Variants in ZNF536 observed in about 807,000 individuals in gnomAD.
The protein encoded by ZNF536 is zinc finger protein 536.
ZNF536 carries 13 observed loss-of-function variants against 84.5 expected under a neutral mutation model. That is an observed-to-expected ratio of 0.15 (90% confidence interval 0.10 to 0.24). The LOEUF (loss-of-function observed/expected upper bound fraction) is 0.24, where lower values mean the gene tolerates loss of function less well. ZNF536 is among the 10% of genes least tolerant of loss of function. ZNF536 has a pLI of 1.00. For synonymous variants in ZNF536, 811 were observed against 742.5 expected (o/e 1.09, Z -1.50); for missense variants, 1,536 against 1,747.5 (o/e 0.88, Z 2.16).
intron 3 of ZNF536, among the ~76,000 whole-genome samples, chr19:30,362,827 G>C (rs771171326): frequency 1.3e-5 from 2 of 152,152 alleles, no homozygotes; most frequent in Admixed American, 1.3e-4. Context: ...TTGGGAGGCC[G>C]ATGTGGGCAG....
At chr19:30,423,067 T>A (rs1212619413) in intron 1 of ZNF536, among the ~76,000 whole-genome samples, 1 of 59,160 alleles carries the variant, frequency 1.7e-5, no homozygotes, top group African/African-American at 7.1e-5. Flanking sequence ...CCATCCATCC[T>A]CCCACCCACC....
intron 2 of ZNF536, among the ~76,000 whole-genome samples, chr19:30,525,342 C>G (rs2044531188): frequency 6.6e-6 from 1 of 152,234 alleles, no homozygotes; most frequent in South Asian, 2.1e-4. Context: ...TTTCTCCCCA[C>G]CAGCTGCTCA....
At chr19:30,236,503 T>G (rs2023518149) in intron 1 of ZNF536, among the ~76,000 whole-genome samples, 1 of 144,436 alleles carries the variant, frequency 6.9e-6, no homozygotes. Flanking sequence ...GAAAGTATTT[T>G]GAAAAAGCTT....
chr19:30,678,746 C>T (rs2050854722), intron 1 of ZNF536, among the ~76,000 whole-genome samples: 1 of 135,964 alleles, frequency 7.4e-6, no homozygotes, highest in East Asian at 2.2e-4. Flanking sequence ...CCCCCACACA[C>T]ACCTATACCC....
intron 1 of ZNF536, among the ~76,000 whole-genome samples, chr19:30,658,353 C>T (rs1401839822): frequency 1.3e-5 from 2 of 152,094 alleles, no homozygotes; most frequent in Non-Finnish European, 2.9e-5. Flanking sequence ...AACCCAAGCT[C>T]CCCTCAGCCA....
chr19:30,347,917 G>A (rs546004914), intron 2 of ZNF536, among the ~76,000 whole-genome samples: 1 of 152,326 alleles, frequency 6.6e-6, no homozygotes, highest in Non-Finnish European at 1.5e-5. Context: ...CAAACAGGCA[G>A]GGGCCCTACT....
intron 2 of ZNF536, among the ~76,000 whole-genome samples, chr19:30,471,158 G>A (rs2053619471): frequency 6.6e-6 from 1 of 152,104 alleles, no homozygotes; most frequent in Non-Finnish European, 1.5e-5. Flanking sequence ...TGGTTAGACT[G>A]GAGTTATGGG....
chr19:30,306,051 C>T (rs1239440804), intron 2 of ZNF536, among the ~76,000 whole-genome samples: 1 of 152,226 alleles, frequency 6.6e-6, no homozygotes, highest in Non-Finnish European at 1.5e-5. Context: ...ATTATTCACC[C>T]ATTTATTCAT....
chr19:30,408,063 C>G (rs2050336552), intron 1 of ZNF536, among the ~76,000 whole-genome samples: 1 of 152,128 alleles, frequency 6.6e-6, no homozygotes, highest in Admixed American at 6.6e-5. Flanking sequence ...GGGTCTCAGG[C>G]ATATACTTTT....
chr19:30,432,766 G>A (rs977079087), intron 1 of ZNF536, among the ~76,000 whole-genome samples: 21 of 152,072 alleles, frequency 1.4e-4, no homozygotes, highest in Non-Finnish European at 1.9e-4. Context: ...TTCTAGCTGC[G>A]CATAGACAGA....
At chr19:30,256,546 G>A (rs897260163) in intron 1 of ZNF536, among the ~76,000 whole-genome samples, 2 of 152,176 alleles carry the variant, frequency 1.3e-5, no homozygotes, top group Non-Finnish European at 2.9e-5. Flanking sequence ...ATAGAATAGG[G>A]GCTTAACTCA....
chr19:30,549,408 C>T lies in ZNF536; in HGVS notation c.3789C>T (p.Asn1263=), dbSNP rs774570120. 1 of 1,592,170 alleles carries T rather than the reference C, an allele frequency of 6.3e-7. No homozygotes were observed. Among genetic ancestry groups the T allele is most frequent in the Non-Finnish European group, 8.6e-7 (1 of 1,169,156 alleles). The stretch of plus-strand genomic sequence containing the variant: ...CCCAGAGCCTGGACAAGCCGATGAA[C>T]ATGCTGTCGGTCCTCAGGGCCTACA... The part of the protein sequence containing the change: ...RGPQSLDKPM[N]MLSVLRAYSS... Residue 1263 remains asparagine (N), a synonymous_variant, in exon 4 of 5, where the codon AAC becomes AAT. Transcript: ENST00000355537.
chr19:30,253,723 T>G (rs945191283), intron 1 of ZNF536, among the ~76,000 whole-genome samples: 2 of 151,772 alleles, frequency 1.3e-5, no homozygotes, highest in African/African-American at 4.8e-5. Flanking sequence ...CCTGGGGACA[T>G]GTGGGGTGGC....
At position 30,521,414 on chromosome 19, in the gene ZNF536, C is replaced by T. The variant is rs73924771; in HGVS notation, c.2171-13433C>T. ...CACACTCATCTTGGGATCCTTGTCT[C>T]TGGTCTGAATTTCTTTGGACCAGTC... On this transcript the variant is annotated intron_variant, in intron 2 of 4. Transcript: ENST00000355537. Among the ~76,000 whole-genome samples, 760 of 152,296 alleles carry T rather than the reference C, an allele frequency of 5.0e-3. 3 individuals are homozygous for T. Among genetic ancestry groups the T allele is most frequent in the African/African-American group, 0.017 (723 of 41,550 alleles).
intron 1 of ZNF536, among the ~76,000 whole-genome samples, chr19:30,432,787 A>G (rs2051534937): frequency 6.6e-6 from 1 of 152,184 alleles, no homozygotes; most frequent in Non-Finnish European, 1.5e-5. Context: ...AGGTGTGTAC[A>G]GTTTTGAAGC....
intron 1 of ZNF536, among the ~76,000 whole-genome samples, chr19:30,407,150 C>T (rs2050293265): frequency 2.0e-5 from 3 of 152,208 alleles, no homozygotes. Context: ...CTTTGCTCCT[C>T]CCTGACCTAC....
intron 2 of ZNF536, among the ~76,000 whole-genome samples, chr19:30,468,484 C>T (rs1459872914): frequency 1.3e-5 from 2 of 152,230 alleles, no homozygotes; most frequent in South Asian, 2.1e-4. Flanking sequence ...AGTGGATCTC[C>T]CCCGCCACTC....
chr19:30,241,759 G>A (rs1178006535), intron 1 of ZNF536, among the ~76,000 whole-genome samples: 1 of 152,218 alleles, frequency 6.6e-6, no homozygotes, highest in Admixed American at 6.5e-5. Context: ...TGACCCCTGT[G>A]ATTCGTGCTG....
At chr19:30,665,082 G>C (rs965375114) in intron 1 of ZNF536, among the ~76,000 whole-genome samples, 11 of 152,240 alleles carry the variant, frequency 7.2e-5, no homozygotes, top group African/African-American at 2.7e-4. Flanking sequence ...CGTGGCTCAT[G>C]CCTGTAATCC....
Sources: gnomAD v4.1 joint callset for allele counts (sites outside exome capture counted in the v4.1 genomes callset) on GRCh38, gnomAD v4.1.1 for gene constraint, MANE v1.5 for transcripts, NCBI Gene and HGNC (gene_info 2026-07-23, HGNC 2026-07-21) for gene names.